PTPRO: variants seen among roughly 807,000 people sequenced by gnomAD.
PTPRO encodes receptor-type tyrosine-protein phosphatase O.
Under a neutral mutation model 145.2 loss-of-function variants are expected in PTPRO, and 62 were observed. The ratio of observed to expected loss-of-function variants is 0.43; its 90% CI spans 0.35 to 0.53. The LOEUF (loss-of-function observed/expected upper bound fraction) is 0.53. PTPRO is among the 20% of genes least tolerant of loss of function. The probability of loss-of-function intolerance (pLI) is 0.01; values close to 1 mark genes in which losing one functional copy is unlikely to be tolerated. For missense variants in PTPRO, 1,345 were observed against 1,482.7 expected (o/e 0.91, Z 1.53); for synonymous variants, 565 against 514.7 (o/e 1.10, Z -1.32).
In PTPRO at chr12:15,517,050, G is replaced by T. The variant is rs1055967442; in HGVS notation, c.1779+94G>T. The stretch of plus-strand genomic sequence containing the variant: ...TCTTTAAGAAATTATCTATAAATTT[G>T]ATTATTTTGTAAATACACATAGTGT... On this transcript the variant is annotated intron_variant, in intron 9 of 26. Transcript: ENST00000281171. The T allele has an allele frequency of 4.0e-5, 49 of 1,229,694 alleles. No individual in the cohort carries two copies. In the Admixed American group the frequency reaches 4.0e-4, roughly 10 times the overall value. 76.2% of individuals were successfully genotyped at this position (1,229,694 alleles called of 1,614,324 possible).
At chr12:15,588,800 C>T (rs1427808465) in intron 24 of PTPRO, among the ~76,000 whole-genome samples, 1 of 152,168 alleles carries the variant, frequency 6.6e-6, no homozygotes, top group East Asian at 1.9e-4. Context: ...TGTATCAGCT[C>T]TCTGAATTCA....
At chr12:15,478,642 A>G (rs1941710496) in intron 1 of PTPRO, among the ~76,000 whole-genome samples, 1 of 152,144 alleles carries the variant, frequency 6.6e-6, no homozygotes, top group Non-Finnish European at 1.5e-5. Context: ...AACCACAGGC[A>G]AAAGGAGGTT....
At position 15,557,460 on chromosome 12, in the gene PTPRO, G is replaced by A; in HGVS notation, c.2564G>A (p.Cys855Tyr). The A allele has an allele frequency of 3.7e-6, 6 of 1,613,768 alleles. No homozygotes were observed. The highest frequency in any genetic ancestry group is 5.1e-6 in the Non-Finnish European group (6 of 1,179,686). The change falls in exon 16 of 27, where the codon TGT (cysteine) becomes TAT (tyrosine). Residue 855 changes from cysteine to tyrosine, a missense_variant. Around this residue, in one of 3 missense-constraint regions of PTPRO, gnomAD observed 1,130 missense variants for 1,214.7 expected, o/e 0.93. Coordinates refer to ENST00000281171, the MANE Select transcript of PTPRO (RefSeq NM_030667.3). ...TTGTGGTTCCTTTAAAACAGGGAGTGTGGAGCTGGTACATTTGTCAATTTT... is the reference window on the plus strand; with the variant it reads ...TTGTGGTTCCTTTAAAACAGGGAGTATGGAGCTGGTACATTTGTCAATTTT... ...RKKHLQMARE[C>Y]GAGTFVNFAS...
chr12:15,323,174 C>T (rs986526044), intron 1 of PTPRO, among the ~76,000 whole-genome samples: 5 of 152,220 alleles, frequency 3.3e-5, no homozygotes, highest in African/African-American at 1.2e-4. Context: ...TTCCGCCCTC[C>T]CTCGCACAGA....
At chr12:15,427,746 G>A (rs1437729334) in intron 1 of PTPRO, among the ~76,000 whole-genome samples, 1 of 151,618 alleles carries the variant, frequency 6.6e-6, no homozygotes, top group African/African-American at 2.4e-5. Context: ...TAGCTATCAT[G>A]GTTTTAATTT....
intron 1 of PTPRO, among the ~76,000 whole-genome samples, chr12:15,390,968 T>C (rs1939173480): frequency 6.6e-6 from 1 of 152,204 alleles, no homozygotes; most frequent in African/African-American, 2.4e-5. Context: ...GCTGTCTTCT[T>C]GCTATATACT....
At chr12:15,353,258 T>TCC (rs1937871147) in intron 1 of PTPRO, among the ~76,000 whole-genome samples, 1 of 152,066 alleles carries the variant, frequency 6.6e-6, no homozygotes, top group Non-Finnish European at 1.5e-5. Context: ...CTTCAAAAAG[T>TCC]TCAAGGACAA....
chr12:15,558,166 T>C (rs1364058994), intron 16 of PTPRO, among the ~76,000 whole-genome samples: 1 of 152,084 alleles, frequency 6.6e-6, no homozygotes, highest in Non-Finnish European at 1.5e-5. Flanking sequence ...ACTCCTGGGC[T>C]GAAGTGATCC....
intron 1 of PTPRO, among the ~76,000 whole-genome samples, chr12:15,371,934 TC>T (rs1938543457): frequency 6.6e-6 from 1 of 152,194 alleles, no homozygotes; most frequent in African/African-American, 2.4e-5. Flanking sequence ...ATCGTAAGTT[TC>T]CTGAGGCCTC....
chr12:15,549,261 T>A lies in PTPRO; in HGVS notation c.2437+35T>A, dbSNP rs778493945. 3 of 1,504,296 alleles carry A rather than the reference T, an allele frequency of 2.0e-6. No homozygotes were observed. The African/African-American group carries it at 4.5e-5, about 22-fold the overall frequency. 93.2% of individuals were successfully genotyped at this position (1,504,296 alleles called of 1,614,324 possible). A position where few individuals can be genotyped will look rare whatever the true frequency, so the allele number is the denominator to read the frequency against. On this transcript the variant is annotated intron_variant, in intron 14 of 26. Coordinates refer to ENST00000281171, the MANE Select transcript of PTPRO (RefSeq NM_030667.3). Reference sequence around the variant, plus strand: ...CACATTAGTGTATAATTTTCTCACTTTTTTTGAATATATATATATATATGT... The same window carrying A: ...CACATTAGTGTATAATTTTCTCACTATTTTTGAATATATATATATATATGT...
At chr12:15,594,726 T>A (rs1944623052) in intron 25 of PTPRO, among the ~76,000 whole-genome samples, 1 of 152,096 alleles carries the variant, frequency 6.6e-6, no homozygotes, top group Non-Finnish European at 1.5e-5. Flanking sequence ...ACTGTTTTTT[T>A]AAAAAAGCCA....
At chr12:15,552,429 T>G (rs1314689243) in intron 15 of PTPRO, among the ~76,000 whole-genome samples, 1 of 152,206 alleles carries the variant, frequency 6.6e-6, no homozygotes, top group Non-Finnish European at 1.5e-5. Flanking sequence ...TTAACATTCT[T>G]CTCCTGTCTC....
chr12:15,500,853 C>T (rs1255870187), intron 4 of PTPRO, among the ~76,000 whole-genome samples: 3 of 152,056 alleles, frequency 2.0e-5, no homozygotes, highest in Middle Eastern at 3.2e-3. Context: ...ACCCAGGAGG[C>T]GGAGGTTGCA....
intron 1 of PTPRO, among the ~76,000 whole-genome samples, chr12:15,326,391 A>T (rs1354461845): frequency 1.3e-5 from 2 of 152,212 alleles, no homozygotes; most frequent in Non-Finnish European, 2.9e-5. Flanking sequence ...TCTACAGATG[A>T]TCGAGTAATA....
At chr12:15,483,107 T>C (rs949019865) in intron 1 of PTPRO, among the ~76,000 whole-genome samples, 2 of 152,106 alleles carry the variant, frequency 1.3e-5, no homozygotes, top group Non-Finnish European at 2.9e-5. Context: ...TGAGGCTCAG[T>C]GCAGTGAATA....
At chr12:15,462,121 G>A (rs1292569489) in intron 1 of PTPRO, among the ~76,000 whole-genome samples, 1 of 151,984 alleles carries the variant, frequency 6.6e-6, no homozygotes, top group Non-Finnish European at 1.5e-5. Flanking sequence ...TTAGCTTAAT[G>A]TTGCTCATCT....
intron 1 of PTPRO, among the ~76,000 whole-genome samples, chr12:15,424,517 G>A (rs1054657617): frequency 6.6e-6 from 1 of 152,000 alleles, no homozygotes; most frequent in African/African-American, 2.4e-5. Context: ...ACTAGTGATG[G>A]CCTGGATCGT....
At chr12:15,516,034 A>G (rs1476698060) in intron 8 of PTPRO, among the ~76,000 whole-genome samples, 3 of 121,218 alleles carry the variant, frequency 2.5e-5, no homozygotes, top group Non-Finnish European at 4.8e-5. Context: ...TCTGTCACCC[A>G]GGTTGGAATG....
chr12:15,472,791 A>T (rs922924262), intron 1 of PTPRO, among the ~76,000 whole-genome samples: 2 of 152,218 alleles, frequency 1.3e-5, no homozygotes, highest in Non-Finnish European at 2.9e-5. Context: ...CCTTTGGATG[A>T]GTGTGACCAG....
Sources: gnomAD v4.1 joint callset for allele counts (sites outside exome capture counted in the v4.1 genomes callset) on GRCh38, gnomAD v4.1.1 for gene constraint, gnomAD v4.1.1 regional missense constraint, MANE v1.5 for transcripts, NCBI Gene and HGNC (gene_info 2026-07-23, HGNC 2026-07-21) for gene names.